Variants in SLC35F1 observed in about 807,000 individuals in gnomAD.
SLC35F1 encodes solute carrier family 35 member F1, also known as chromosome 6 open reading frame 169.
A neutral mutation model predicts 48.7 loss-of-function variants in SLC35F1; 14 were observed. That is an observed-to-expected ratio of 0.29 (90% confidence interval 0.19 to 0.45). SLC35F1 has a LOEUF of 0.45. Among genes scored for constraint, SLC35F1 ranks in the 20% least tolerant of loss-of-function variants. SLC35F1 has a pLI of 1.00. For missense variants in SLC35F1, 404 were observed against 500.0 expected (o/e 0.81, Z 1.83); for synonymous variants, 190 against 202.2 (o/e 0.94, Z 0.51).
chr6:118,196,695 C>T (rs1327637447), intron 2 of SLC35F1, among the ~76,000 whole-genome samples: 1 of 152,014 alleles, frequency 6.6e-6, no homozygotes, highest in Non-Finnish European at 1.5e-5. Context: ...CACACCCCAG[C>T]TTGGGCCACA....
At chr6:117,931,172 A>T (rs536810391) in intron 1 of SLC35F1, among the ~76,000 whole-genome samples, 1 of 152,272 alleles carries the variant, frequency 6.6e-6, no homozygotes, top group East Asian at 1.9e-4. Flanking sequence ...TGGTTTTGTT[A>T]TGCTTATAAT....
At chr6:118,199,240 C>G (rs1774841809) in intron 2 of SLC35F1, among the ~76,000 whole-genome samples, 1 of 152,158 alleles carries the variant, frequency 6.6e-6, no homozygotes, top group Non-Finnish European at 1.5e-5. Context: ...TCTACAGTTA[C>G]CCTGAAAACC....
chr6:118,285,292 C>T lies in SLC35F1; in HGVS notation c.956C>T (p.Ala319Val). The T allele has an allele frequency of 5.0e-6, 8 of 1,614,022 alleles. No individual in the cohort carries two copies. Among genetic ancestry groups the T allele is most frequent in the Non-Finnish European group, 6.8e-6 (8 of 1,179,906 alleles). ...TCAGTCAACCTCTCCTTGCTCACAG[C>T]AGACTTGTACAGCCTGTTCTGTGGA... Reference protein sequence around the residue: ...ATSVNLSLLTADLYSLFCGLF... With the variant: ...ATSVNLSLLTVDLYSLFCGLF... The change falls in exon 7 of 8, where the codon GCA (alanine) becomes GTA (valine). Residue 319 changes from alanine to valine, a missense_variant. Around this residue, in one of 2 missense-constraint regions of SLC35F1, gnomAD observed 306 missense variants for 419.1 expected, o/e 0.73. Coordinates refer to ENST00000360388, the MANE Select transcript of SLC35F1 (RefSeq NM_001029858.4).
rs190185422 is a variant in SLC35F1 at position 118,298,578 on chromosome 6, T to A, written c.1002+13240T>A. On this transcript the variant is annotated intron_variant, in intron 7 of 7. Transcript: ENST00000360388. ...TTCCTGACAATAGTTTCTTGACTGT[T>A]TCCTGAGTTCACCCAAACACCACTT... Among the ~76,000 whole-genome samples the A allele has an allele frequency of 4.7e-4, 71 of 152,276 alleles. 1 individual carries two copies. The highest frequency in any genetic ancestry group is 4.6e-3 in the Admixed American group (71 of 15,292).
intron 1 of SLC35F1, among the ~76,000 whole-genome samples, chr6:117,910,003 A>G (rs565524109): frequency 1.3e-5 from 2 of 152,350 alleles, no homozygotes; most frequent in African/African-American, 2.4e-5. Flanking sequence ...AAAATTTTCA[A>G]TATAATATTT....
intron 7 of SLC35F1, among the ~76,000 whole-genome samples, chr6:118,292,660 C>A (rs933718704): frequency 2.0e-5 from 3 of 150,982 alleles, no homozygotes; most frequent in African/African-American, 7.3e-5. Context: ...AAATGAAGCT[C>A]GCCTGCCTAA....
intron 2 of SLC35F1, 25 bp from the exon 3 acceptor site, chr6:118,235,484 A>T (rs781766055): frequency 1.9e-6 from 3 of 1,607,042 alleles, no homozygotes; most frequent in Middle Eastern, 1.7e-4. Flanking sequence ...AACCTAACCC[A>T]TTTCTTCTTA....
At chr6:117,940,615 A>G (rs949016428) in intron 1 of SLC35F1, among the ~76,000 whole-genome samples, 12 of 152,096 alleles carry the variant, frequency 7.9e-5, no homozygotes, top group South Asian at 2.1e-4. Context: ...AGATAAATGA[A>G]TGGAGAAGAT....
chr6:118,048,278 G>T (rs981970099), intron 1 of SLC35F1, among the ~76,000 whole-genome samples: 1 of 152,038 alleles, frequency 6.6e-6, no homozygotes, highest in South Asian at 2.1e-4. Flanking sequence ...GCTGGATTCG[G>T]TTTGCCAGTA....
intron 1 of SLC35F1, among the ~76,000 whole-genome samples, chr6:118,048,260 G>C (rs1772329786): frequency 6.6e-6 from 1 of 152,100 alleles, no homozygotes; most frequent in South Asian, 2.1e-4. Flanking sequence ...TAAGCTTTTT[G>C]ATGTGCTGCT....
intron 1 of SLC35F1, among the ~76,000 whole-genome samples, chr6:118,032,824 T>C (rs1772073885): frequency 6.6e-6 from 1 of 152,216 alleles, no homozygotes; most frequent in Admixed American, 6.5e-5. Context: ...CCAACTCAGT[T>C]TATTAACCTG....
intron 1 of SLC35F1, among the ~76,000 whole-genome samples, chr6:117,949,913 C>T (rs1347767594): frequency 2.0e-5 from 3 of 152,110 alleles, no homozygotes; most frequent in Admixed American, 2.0e-4. Flanking sequence ...AGGTGTTGTG[C>T]AGAGTGAAGT....
chr6:118,112,591 A>G (rs1008452246), intron 1 of SLC35F1, among the ~76,000 whole-genome samples: 1 of 152,294 alleles, frequency 6.6e-6, no homozygotes, highest in African/African-American at 2.4e-5. Flanking sequence ...GGTCTGCATC[A>G]GGACCCCTCT....
intron 7 of SLC35F1, among the ~76,000 whole-genome samples, chr6:118,307,114 GGAGAA>G (rs1175671898): frequency 2.0e-5 from 3 of 149,842 alleles, no homozygotes; most frequent in African/African-American, 7.3e-5. Flanking sequence ...CACAATGCTT[GGAGAA>G]TAAATCATTT....
chr6:118,306,663 GA>G (rs942303366), intron 7 of SLC35F1, among the ~76,000 whole-genome samples: 1 of 152,202 alleles, frequency 6.6e-6, no homozygotes, highest in African/African-American at 2.4e-5. Context: ...TGTTGTAACT[GA>G]GCCTATAATT....
At chr6:117,974,694 A>C (rs921840168) in intron 1 of SLC35F1, among the ~76,000 whole-genome samples, 1 of 152,224 alleles carries the variant, frequency 6.6e-6, no homozygotes, top group Non-Finnish European at 1.5e-5. Context: ...TATTCATTAC[A>C]TTATAAATTA....
rs758520455 is a variant in SLC35F1 at position 118,305,048 on chromosome 6, A to ATGTGTGTGTGTGTG, written c.1003-8948_1003-8935dup. 9.0e-4 allele frequency among the ~76,000 whole-genome samples: 72 copies of ATGTGTGTGTGTGTG among 80,194 alleles called. 1 individual carries two copies. Among genetic ancestry groups the ATGTGTGTGTGTGTG allele is most frequent in the Non-Finnish European group, 1.5e-3 (58 of 39,876 alleles). The allele number at this position is 80,194 out of a possible 152,430, so 52.6% of individuals were successfully genotyped here. ...TAGCAGAGAAACAGAATCAACAGGA[A>ATGTGTGTGTGTGTG]TGTGTGTGTGTGTGTGTGTGTGTGT... On this transcript the variant is annotated intron_variant, in intron 7 of 7. Transcript: ENST00000360388.
intron 1 of SLC35F1, among the ~76,000 whole-genome samples, chr6:118,062,265 T>C (rs1229705946): frequency 6.6e-6 from 1 of 152,210 alleles, no homozygotes; most frequent in East Asian, 1.9e-4. Context: ...ATAATTTTTT[T>C]CTGAGGTCAC....
At chr6:118,297,085 T>C (rs1413181806) in intron 7 of SLC35F1, among the ~76,000 whole-genome samples, 1 of 152,218 alleles carries the variant, frequency 6.6e-6, no homozygotes, top group African/African-American at 2.4e-5. Flanking sequence ...TTTTCAACTC[T>C]ATATTTAAAG....
Sources: gnomAD v4.1 joint callset for allele counts (sites outside exome capture counted in the v4.1 genomes callset) on GRCh38, gnomAD v4.1.1 for gene constraint, gnomAD v4.1.1 regional missense constraint, MANE v1.5 for transcripts, NCBI Gene and HGNC (gene_info 2026-07-23, HGNC 2026-07-21) for gene names.